Variants in ZFYVE21 observed in about 807,000 individuals in gnomAD.
ZFYVE21 encodes zinc finger FYVE domain-containing protein 21.
Under a neutral mutation model 29.5 loss-of-function variants are expected in ZFYVE21, and 21 were observed. That is an observed-to-expected ratio of 0.71 (90% CI 0.50 to 1.02). The LOEUF is 1.02. ZFYVE21 is among the 50% of genes least tolerant of loss of function. The pLI, the probability that ZFYVE21 is intolerant of heterozygous loss-of-function variation, is 0.00. For synonymous variants in ZFYVE21, 151 were observed against 133.8 expected, an observed-to-expected ratio of 1.13 and a Z score of -0.89; for missense variants, 326 against 335.4, an observed-to-expected ratio of 0.97 and a Z score of 0.22.
chr14:103,729,308 C>A, intron 5 of ZFYVE21, 126 bp downstream of exon 5: 2 of 903,512 alleles, frequency 2.2e-6, no homozygotes, highest in African/African-American at 1.7e-5. Context: ...GTTTCCAGGA[C>A]AATCTGCCTT....
At chr14:103,719,271 C>T (rs2083853267) in intron 1 of ZFYVE21, among the ~76,000 whole-genome samples, 1 of 152,000 alleles carries the variant, frequency 6.6e-6, no homozygotes, top group African/African-American at 2.4e-5. Flanking sequence ...AAGCGAGACT[C>T]CGTCTCAAAA....
Position 103,733,039 on chromosome 14 carries a change from G to A in ZFYVE21, c.*21G>A, listed in dbSNP as rs766922840. 3.1e-6 allele frequency: 5 copies of A among 1,614,016 alleles called. No homozygotes were observed. In the South Asian group the frequency reaches 4.4e-5, roughly 14 times the overall value. On this transcript the variant is annotated 3_prime_UTR_variant, in exon 7 of 7. Transcript: ENST00000311141. ...AGTAACTCTACGTGGGGCTGAGCTT[G>A]GAGTACGTGTGGTCACCAGGACTGA... is the stretch of plus-strand genomic sequence containing the variant.
rs868202923 is a variant in ZFYVE21, at chr14:103,719,002, G to A, written c.138+3023G>A. Among the ~76,000 whole-genome samples, 6 of 152,218 alleles carry A rather than the reference G, an allele frequency of 3.9e-5. No individual in the cohort carries two copies. In the East Asian group the frequency reaches 5.8e-4, roughly 15 times the overall value. On this transcript the variant is annotated intron_variant, in intron 1 of 6. Transcript: ENST00000311141. The stretch of plus-strand genomic sequence containing the variant: ...CTGCGAGGGTCTCACAGGCCAGGCC[G>A]GACAGGGCTTTTCTTTTGCAGGGAG...
At position 103,733,071 on chromosome 14, in the gene ZFYVE21, T is replaced by TGGAACAGC; in HGVS notation, c.*54_*61dup. On this transcript the variant is annotated 3_prime_UTR_variant, in exon 7 of 7. Coordinates refer to ENST00000311141, the MANE Select transcript of ZFYVE21 (RefSeq NM_024071.4). ...GTGTGGTCACCAGGACTGAGTCGCT[T>TGGAACAGC]GGAACAGCAGAGCCTGCTCCTTGCG... The TGGAACAGC allele has an allele frequency of 6.2e-7, 1 of 1,612,260 alleles. No individual in the cohort carries two copies. Among genetic ancestry groups the TGGAACAGC allele is most frequent in the African/African-American group, 1.3e-5 (1 of 75,034 alleles).
chr14:103,721,161 A>G (rs1278547161), intron 1 of ZFYVE21, among the ~76,000 whole-genome samples: 1 of 152,032 alleles, frequency 6.6e-6, no homozygotes, highest in Non-Finnish European at 1.5e-5. Context: ...CATCTTGCTT[A>G]CCCACCGGGA....
At chr14:103,729,747 C>T (rs1324976901) in intron 5 of ZFYVE21, 32 of 1,535,248 alleles carry the variant, frequency 2.1e-5, no homozygotes, top group Non-Finnish European at 2.3e-5. Context: ...CTCACCGGCT[C>T]TTGGTTGCTC....
In ZFYVE21 at chr14:103,716,710, G is replaced by A. The variant is rs2083821033; in HGVS notation, c.138+731G>A. Among the ~76,000 whole-genome samples, 1 of 152,206 alleles carries A rather than the reference G, an allele frequency of 6.6e-6. No homozygotes were observed. The highest frequency in any genetic ancestry group is 6.5e-5 in the Admixed American group (1 of 15,290). The stretch of plus-strand genomic sequence containing the variant: ...TGCCCAGGCCACTCCTGCAGACATT[G>A]GGGCGTGGGCGTGGGGTCCCTGAGC... On this transcript the variant is annotated intron_variant, in intron 1 of 6. Transcript: ENST00000311141. The surrounding 1 kb of genome is among the most constrained non-coding windows in gnomAD (Gnocchi z 4.8).
Position 103,729,998 on chromosome 14 carries a change from T to G in ZFYVE21, c.526+816T>G, listed in dbSNP as rs1442564038. 3.6e-6 allele frequency: 3 copies of G among 838,532 alleles called. No individual in the cohort carries two copies. The South Asian group carries it at 5.4e-5, about 15-fold the overall frequency. 51.9% of individuals were successfully genotyped at this position (838,532 alleles called of 1,614,324 possible). The stretch of plus-strand genomic sequence containing the variant: ...TGGTTGACTTAAGAGAGATGTTGGA[T>G]CTGATAAGTGGGTTTATAAAGCATA... On this transcript the variant is annotated intron_variant, in intron 5 of 6. Transcript: ENST00000311141.
chr14:103,715,948 T>C lies in ZFYVE21; in HGVS notation c.107T>C (p.Leu36Pro). Residue 36 changes from leucine (L) to proline (P), a missense_variant, in exon 1 of 7, where the codon CTG (leucine) becomes CCG (proline). Transcript: ENST00000311141. ...EHRAFGSPFG[L>P]EEPQWVPDKE... ...CGCGCCTTCGGAAGCCCGTTCGGCC[T>C]GGAGGAGCCGCAGTGGGTCCCGGAC... 1 of 1,411,886 alleles carries C rather than the reference T, an allele frequency of 7.1e-7. No homozygotes were observed. The highest frequency in any genetic ancestry group is 1.4e-5 in the South Asian group (1 of 71,908). 87.5% of individuals were successfully genotyped at this position (1,411,886 alleles called of 1,614,324 possible). A position where few individuals can be genotyped will look rare whatever the true frequency, so the allele number is the denominator to read the frequency against.
Position 103,733,617 on chromosome 14 carries a change from A to C in ZFYVE21, c.*599A>C, listed in dbSNP as rs45614733. 2.0e-3 allele frequency: 302 copies of C among 153,040 alleles called. 1 individual carries two copies. The highest frequency in any genetic ancestry group is 3.6e-3 in the Non-Finnish European group (248 of 68,240). 9.5% of individuals were successfully genotyped at this position (153,040 alleles called of 1,614,324 possible). Reference sequence around the variant, plus strand: ...TATTTCACTTTATTAAGATGACTGTACAGCAATTTGTATATAAAGCTTATG... The same window carrying C: ...TATTTCACTTTATTAAGATGACTGTCCAGCAATTTGTATATAAAGCTTATG... On this transcript the variant is annotated 3_prime_UTR_variant, in exon 7 of 7. Transcript: ENST00000311141.
At position 103,732,970 on chromosome 14, in the gene ZFYVE21, G is replaced by A. The variant is rs754680023; in HGVS notation, c.670-13G>A. 1.2e-6 allele frequency: 2 copies of A among 1,614,014 alleles called. No homozygotes were observed. The highest frequency in any genetic ancestry group is 1.7e-6 in the Non-Finnish European group (2 of 1,180,050). ...AAGCAGGCCTCACTGTGTTGATCTT[G>A]TCTGATCTGCAGGCTGCCAAGCTCC... On this transcript the variant is annotated splice_polypyrimidine_tract_variant and intron_variant, in intron 6 of 6. Coordinates refer to ENST00000311141, the MANE Select transcript of ZFYVE21 (RefSeq NM_024071.4).
At chr14:103,721,544 G>A (rs182050194) in intron 1 of ZFYVE21, among the ~76,000 whole-genome samples, 18 of 152,342 alleles carry the variant, frequency 1.2e-4, no homozygotes, top group Non-Finnish European at 2.4e-4. Context: ...GGGCACAGAG[G>A]GCTCCTGGAG....
chr14:103,720,844 A>G (rs747695624), intron 1 of ZFYVE21, among the ~76,000 whole-genome samples: 1 of 152,076 alleles, frequency 6.6e-6, no homozygotes, highest in Non-Finnish European at 1.5e-5. Context: ...GTTTTGTTTG[A>G]GACGGAGTCT....
intron 1 of ZFYVE21, among the ~76,000 whole-genome samples, chr14:103,723,067 C>G (rs1305122045): frequency 6.6e-6 from 1 of 152,244 alleles, no homozygotes; most frequent in Non-Finnish European, 1.5e-5. Flanking sequence ...GCCCTCTCCC[C>G]TCCTGTCGGG....
At chr14:103,730,799 C>T (rs139820924) in intron 5 of ZFYVE21, 3 of 152,496 alleles carry the variant, frequency 2.0e-5, no homozygotes, top group African/African-American at 7.2e-5. Context: ...TTGCCAGCCA[C>T]GTGTGCTGTG....
rs996479314 is a variant in ZFYVE21, at chr14:103,715,814, C to G, written c.-28C>G. ...GCTGGGCGAGGGGCCGGGTGCGGGG[C>G]CGCTGGCCGAGAGGCTGAGGCGGCG... On this transcript the variant is annotated 5_prime_UTR_variant, in exon 1 of 7. Coordinates refer to ENST00000311141, the MANE Select transcript of ZFYVE21 (RefSeq NM_024071.4). 1 of 1,334,666 alleles carries G rather than the reference C, an allele frequency of 7.5e-7. No individual in the cohort carries two copies. The highest frequency in any genetic ancestry group is 9.7e-7 in the Non-Finnish European group (1 of 1,035,320). The allele number at this position is 1,334,666 out of a possible 1,614,324, so 82.7% of individuals were successfully genotyped here. A position where few individuals can be genotyped will look rare whatever the true frequency, so the allele number is the denominator to read the frequency against.
Position 103,729,180 on chromosome 14 carries a change from G to T in ZFYVE21, c.524G>T (p.Gly175Val). ...ATCCTCACAGAAGGCTTCCCTCCTGGAGGTAAATGCCAGCACGTCCTTTCC... is the reference window on the plus strand; with the variant it reads ...ATCCTCACAGAAGGCTTCCCTCCTGTAGGTAAATGCCAGCACGTCCTTTCC... ...VQILTEGFPP[G>V]GGNARATGMF... Residue 175 changes from glycine to valine, a missense_variant and splice_region_variant, in exon 5 of 7, where the codon GGA becomes GTA. By Grantham distance (109) the Gly-to-Val change is moderately radical (BLOSUM62 -3). Transcript: ENST00000311141. 1 of 1,614,042 alleles carries T rather than the reference G, an allele frequency of 6.2e-7. No individual in the cohort carries two copies. Among genetic ancestry groups the T allele is most frequent in the Non-Finnish European group, 8.5e-7 (1 of 1,179,992 alleles).
At chr14:103,717,342 C>G (rs1392816093) in intron 1 of ZFYVE21, among the ~76,000 whole-genome samples, 1 of 152,204 alleles carries the variant, frequency 6.6e-6, no homozygotes, top group African/African-American at 2.4e-5. Flanking sequence ...GTAACGAACT[C>G]TTAATAGCAC....
chr14:103,725,675 ATGTGTGTCTCT>A (rs1232724130), intron 1 of ZFYVE21: 1 of 152,286 alleles, frequency 6.6e-6, no homozygotes, highest in African/African-American at 2.4e-5. Context: ...AGACCACCAC[ATGTGTGTCTCT>A]GGGTGCTTGG....
Sources: gnomAD v4.1 joint callset for allele counts (sites outside exome capture counted in the v4.1 genomes callset) on GRCh38, gnomAD v4.1.1 for gene constraint, Gnocchi (gnomAD v3.1) non-coding constraint, MANE v1.5 for transcripts, NCBI Gene and HGNC (gene_info 2026-07-23, HGNC 2026-07-21) for gene names.